The following FAXDC2 variants were observed in gnomAD, a reference collection of about 807,000 sequenced individuals.
The protein encoded by FAXDC2 is fatty acid hydroxylase domain containing 2, also known as fatty acid hydroxylase domain-containing protein 2.
A neutral mutation model predicts 40.9 loss-of-function variants in FAXDC2; 41 were observed. The ratio of observed to expected loss-of-function variants is 1.00; its 90% CI spans 0.78 to 1.30. The LOEUF is 1.30. FAXDC2 is among the 50% of genes most tolerant of loss of function. The pLI is 0.00. For synonymous variants in FAXDC2, 157 were observed against 149.3 expected, an observed-to-expected ratio of 1.05 and a Z score of -0.38; for missense variants, 390 against 408.8, an observed-to-expected ratio of 0.95 and a Z score of 0.40.
chr5:154,843,625 C>T (rs1362981719), intron 1 of FAXDC2, among the ~76,000 whole-genome samples: 1 of 152,168 alleles, frequency 6.6e-6, no homozygotes, highest in Non-Finnish European at 1.5e-5. Flanking sequence ...CAAAACTGAA[C>T]TTTCTTCCCA....
rs1290132054 is a variant in FAXDC2, at chr5:154,835,876, C to T, written c.49-942G>A. Among the ~76,000 whole-genome samples, 12 of 137,066 alleles carry T rather than the reference C, an allele frequency of 8.8e-5. No individual in the cohort carries two copies. In the South Asian group the frequency reaches 1.4e-3, roughly 17 times the overall value. The allele number at this position is 137,066 out of a possible 152,430, so 89.9% of individuals were successfully genotyped here. On this transcript the variant is annotated intron_variant, in intron 2 of 8. Coordinates refer to ENST00000326080, the MANE Select transcript of FAXDC2 (RefSeq NM_032385.5). ...GATTACAGGAGTGAGCCACCGCGCC[C>T]GGCCGACTTTTTTTTTTTTTTTTTT...
At chr5:154,842,674 C>G (rs1760507369) in intron 1 of FAXDC2, among the ~76,000 whole-genome samples, 1 of 150,100 alleles carries the variant, frequency 6.7e-6, no homozygotes, top group South Asian at 2.1e-4. Context: ...AGGCACGCAC[C>G]ACCATGCCCA....
At chr5:154,838,351 T>G (rs1760403937) in intron 1 of FAXDC2, 173 bp from the exon 2 acceptor site, 2 of 159,980 alleles carry the variant, frequency 1.3e-5, no homozygotes, top group African/African-American at 4.9e-5. Flanking sequence ...AATGGAGAGA[T>G]AAATGTACAA....
rs752566004 is a variant in FAXDC2 at position 154,830,879 on chromosome 5, C to G, written c.288G>C (p.Gly96=). ...CTGTTGTGTCAACCACCAATAGAAG[C>G]CCATTGAAGCTCCAGAAGAAGAGAC... The part of the protein sequence containing the change: ...VPCLFFWSFN[G]LLLVVDTTGK... Residue 96 remains glycine (G), a synonymous_variant, in exon 5 of 9, where the codon GGG becomes GGC. Transcript: ENST00000326080. 3.7e-6 allele frequency: 6 copies of G among 1,614,046 alleles called. No homozygotes were observed. The Admixed American group carries it at 1.0e-4, about 27-fold the overall frequency.
intron 5 of FAXDC2, chr5:154,829,345 A>T (rs1401810489): frequency 6.5e-6 from 1 of 152,768 alleles, no homozygotes; most frequent in African/African-American, 2.4e-5. Flanking sequence ...CCACTTGAGG[A>T]TCTGTTTCTG....
chr5:154,835,163 G>GAGGGA (rs1318377259), intron 2 of FAXDC2: 34 of 485,642 alleles, frequency 7.0e-5, no homozygotes, highest in Non-Finnish European at 3.7e-6. Flanking sequence ...CAAGTTGGGG[G>GAGGGA]AGGGAAGGGA....
chr5:154,822,762 C>T (rs1206990765), intron 6 of FAXDC2, among the ~76,000 whole-genome samples, 185 bp from the exon 7 acceptor site: 1 of 152,140 alleles, frequency 6.6e-6, no homozygotes, highest in Non-Finnish European at 1.5e-5. Context: ...GGTTGCTTTG[C>T]TTCTCTATGC....
At chr5:154,840,334 A>G (rs970842511) in intron 1 of FAXDC2, among the ~76,000 whole-genome samples, 6 of 152,028 alleles carry the variant, frequency 3.9e-5, no homozygotes, top group African/African-American at 1.5e-4. Flanking sequence ...GCTTCAAGCA[A>G]TCCTCTTGCC....
At chr5:154,826,139 G>A (rs571694284) in intron 5 of FAXDC2, among the ~76,000 whole-genome samples, 3 of 152,224 alleles carry the variant, frequency 2.0e-5, no homozygotes, top group Admixed American at 1.3e-4. Context: ...ATATAGAGAA[G>A]AGGACCAAGG....
chr5:154,839,461 T>C (rs1466475885), intron 1 of FAXDC2, among the ~76,000 whole-genome samples: 2 of 150,956 alleles, frequency 1.3e-5, no homozygotes, highest in African/African-American at 2.4e-5. Context: ...TGGGCAAACA[T>C]AGAGACACCC....
In FAXDC2 at chr5:154,818,903, C is replaced by G. The variant is rs1013404274; in HGVS notation, c.*1413G>C. 3.3e-5 allele frequency: 5 copies of G among 152,236 alleles called. No individual in the cohort carries two copies. Among genetic ancestry groups the G allele is most frequent in the Admixed American group, 3.3e-4 (5 of 15,284 alleles). 9.4% of individuals were successfully genotyped at this position (152,236 alleles called of 1,614,324 possible). ...ACTGTATTCAAGCTGAGGGCAAAAG[C>G]CTCCTAGGGAGGGAGCCAGGTCCAC... On this transcript the variant is annotated 3_prime_UTR_variant, in exon 9 of 9. Transcript: ENST00000326080.
intron 4 of FAXDC2, among the ~76,000 whole-genome samples, chr5:154,832,216 G>GAT (rs60418216): frequency 0.054 from 7,334 of 134,908 alleles, 315 homozygotes; most frequent in African/African-American, 0.13. Context: ...ATTTACTTTT[G>GAT]TTTTTTTTTT....
Position 154,821,242 on chromosome 5 carries a change from T to C in FAXDC2, c.845+18A>G, listed in dbSNP as rs1225444598. 6.2e-6 allele frequency: 10 copies of C among 1,605,806 alleles called. No homozygotes were observed. The highest frequency in any genetic ancestry group is 8.5e-6 in the Non-Finnish European group (10 of 1,175,190). ...ATGGTTGTTGCCTAGGGACCCATTG[T>C]GGGGAGAAGGTCCTTACTTGAGATG... is the stretch of plus-strand genomic sequence containing the variant. On this transcript the variant is annotated intron_variant, in intron 8 of 8. Transcript: ENST00000326080.
At chr5:154,836,123 CTA>C (rs1760342289) in intron 2 of FAXDC2, 1 of 152,024 alleles carries the variant, frequency 6.6e-6, no homozygotes, top group Non-Finnish European at 1.5e-5. Context: ...GCCTAGAACT[CTA>C]AACCTCAAGC....
intron 2 of FAXDC2, among the ~76,000 whole-genome samples, chr5:154,836,746 G>A (rs907595773): frequency 6.6e-6 from 1 of 152,068 alleles, no homozygotes; most frequent in Non-Finnish European, 1.5e-5. Flanking sequence ...CACCTTCCAA[G>A]TTCAAGCGAT....
At chr5:154,825,530 G>A (rs1165593828) in intron 5 of FAXDC2, among the ~76,000 whole-genome samples, 2 of 146,900 alleles carry the variant, frequency 1.4e-5, no homozygotes, top group African/African-American at 5.0e-5. Flanking sequence ...GGTAGTGTGC[G>A]CCTGTAATCC....
intron 2 of FAXDC2, among the ~76,000 whole-genome samples, 175 bp downstream of exon 2, chr5:154,837,956 T>G (rs988300501): frequency 2.6e-5 from 4 of 152,146 alleles, no homozygotes; most frequent in Non-Finnish European, 5.9e-5. Flanking sequence ...GGGTTGTGGG[T>G]AAAAGGCAGT....
At chr5:154,832,260 C>G (rs370769297) in intron 4 of FAXDC2, among the ~76,000 whole-genome samples, 65 of 150,408 alleles carry the variant, frequency 4.3e-4, no homozygotes, top group African/African-American at 1.5e-3. Context: ...GTCACCCAGG[C>G]TGGAGTGCAG....
At chr5:154,835,546 A>G (rs902533520) in intron 2 of FAXDC2, among the ~76,000 whole-genome samples, 2 of 152,148 alleles carry the variant, frequency 1.3e-5, no homozygotes, top group African/African-American at 4.8e-5. Flanking sequence ...TTATTTTAGA[A>G]GGAAAGAGTG....
Sources: gnomAD v4.1 joint callset for allele counts (sites outside exome capture counted in the v4.1 genomes callset) on GRCh38, gnomAD v4.1.1 for gene constraint, MANE v1.5 for transcripts, NCBI Gene and HGNC (gene_info 2026-07-23, HGNC 2026-07-21) for gene names.